Variants in ADCY7 observed in about 807,000 individuals in gnomAD.
The protein encoded by ADCY7 is adenylate cyclase type 7.
ADCY7 carries 72 observed loss-of-function variants against 120.6 expected under a neutral mutation model. That is an observed-to-expected ratio of 0.60 (90% CI 0.49 to 0.73). The LOEUF is 0.73. Ranked by LOEUF, ADCY7 falls within the 30% of genes least tolerant of loss-of-function variation. The pLI, the probability that ADCY7 is intolerant of heterozygous loss-of-function variation, is 0.00. For missense variants in ADCY7, 1,227 were observed against 1,486.0 expected (o/e 0.83, Z 2.87); for synonymous variants, 661 against 628.0 (o/e 1.05, Z -0.78).
chr16:50,254,135 A>G (rs2032842637), intron 1 of ADCY7, among the ~76,000 whole-genome samples: 1 of 152,200 alleles, frequency 6.6e-6, no homozygotes, highest in South Asian at 2.1e-4. Context: ...TGAGACATGG[A>G]GGAGATGGCA....
rs2036861541 is a variant in ADCY7, at chr16:50,317,571, G to C, written c.*2066G>C. ...AAATAACTGACTACCACTCACTCAT[G>C]CATTTTTATTTCCAATTAAAGCAAA... On this transcript the variant is annotated 3_prime_UTR_variant, in exon 26 of 26. Coordinates refer to ENST00000673801, the MANE Select transcript of ADCY7 (RefSeq NM_001114.5). The C allele has an allele frequency of 6.6e-6, 1 of 152,294 alleles. No individual in the cohort carries two copies. The highest frequency in any genetic ancestry group is 6.5e-5 in the Admixed American group (1 of 15,276). 9.4% of individuals were successfully genotyped at this position (152,294 alleles called of 1,614,324 possible).
intron 2 of ADCY7, among the ~76,000 whole-genome samples, 177 bp downstream of exon 2, chr16:50,288,527 G>T (rs574705769): frequency 3.3e-5 from 5 of 152,288 alleles, no homozygotes; most frequent in African/African-American, 1.2e-4. Flanking sequence ...ACCCAGGCTG[G>T]AGTACAGTGG....
chr16:50,255,402 G>GAAAAAAAAAAAAAAAAAAAAAAAAAAAA (rs60335173), intron 1 of ADCY7, among the ~76,000 whole-genome samples: 1 of 108,142 alleles, frequency 9.2e-6, no homozygotes, highest in African/African-American at 3.7e-5. Flanking sequence ...TCTGTTTCTG[G>GAAAAAAAAAAAAAAAAAAAAAAAAAAAA]AAAAAAAAAA....
At chr16:50,289,777 T>A in intron 2 of ADCY7, among the ~76,000 whole-genome samples, 1 of 152,250 alleles carries the variant, frequency 6.6e-6, no homozygotes, top group East Asian at 1.9e-4. Context: ...ATTTTCTTTT[T>A]AGTGAATGTA....
At chr16:50,308,976 T>C (rs1283622573) in intron 17 of ADCY7, 184 bp downstream of exon 17, 3 of 673,480 alleles carry the variant, frequency 4.5e-6, no homozygotes, top group Non-Finnish European at 6.8e-6. Context: ...AATGCGGACT[T>C]TGGGGGCCCA....
At position 50,314,860 on chromosome 16, in the gene ADCY7, C is replaced by T. The variant is rs374141267; in HGVS notation, c.2972-154C>T. On this transcript the variant is annotated intron_variant, in intron 24 of 25. Transcript: ENST00000673801. ...TGCCCTCCTCATACCCCAAGCCCGACTGCAACGCAGTGACTCTGGGAAGCA... is the reference window on the plus strand; with the variant it reads ...TGCCCTCCTCATACCCCAAGCCCGATTGCAACGCAGTGACTCTGGGAAGCA... The T allele has an allele frequency of 3.9e-6, 4 of 1,014,120 alleles. No homozygotes were observed. In the African/African-American group the frequency reaches 6.5e-5, roughly 16 times the overall value. The allele number at this position is 1,014,120 out of a possible 1,614,324, so 62.8% of individuals were successfully genotyped here. A position where few individuals can be genotyped will look rare whatever the true frequency, so the allele number is the denominator to read the frequency against.
At chr16:50,248,130 A>C (rs1373972928) in intron 1 of ADCY7, among the ~76,000 whole-genome samples, 2 of 152,202 alleles carry the variant, frequency 1.3e-5, no homozygotes, top group African/African-American at 2.4e-5. Context: ...GTTTGGGTCC[A>C]CATCAGCGAG....
chr16:50,294,796 G>C (rs770422373), intron 7 of ADCY7, 45 bp downstream of exon 7: 3 of 1,399,912 alleles, frequency 2.1e-6, no homozygotes, highest in Non-Finnish European at 3.0e-6. Flanking sequence ...CCCCTCCCCT[G>C]CCTATTACAC....
At chr16:50,269,951 G>A (rs1227767411) in intron 1 of ADCY7, among the ~76,000 whole-genome samples, 2 of 152,288 alleles carry the variant, frequency 1.3e-5, no homozygotes, top group South Asian at 2.1e-4. Context: ...CGCTTTGGGA[G>A]GCTGAAGTGG....
intron 10 of ADCY7, among the ~76,000 whole-genome samples, chr16:50,303,487 A>G (rs2035866391): frequency 6.6e-6 from 1 of 152,118 alleles, no homozygotes; most frequent in Middle Eastern, 3.2e-3. Flanking sequence ...GACTCAGCAG[A>G]CCTGGAGCCC....
intron 17 of ADCY7, 156 bp downstream of exon 17, chr16:50,308,948 C>T (rs528719163): frequency 1.1e-4 from 102 of 936,466 alleles, no homozygotes; most frequent in Admixed American, 4.5e-4. Flanking sequence ...CTCAGGGCTC[C>T]TCACCTTTGG....
chr16:50,306,004 C>T (rs1056939390), intron 14 of ADCY7, among the ~76,000 whole-genome samples, 155 bp downstream of exon 14: 4 of 152,186 alleles, frequency 2.6e-5, no homozygotes, highest in African/African-American at 9.6e-5. Flanking sequence ...GGGGCAGGGG[C>T]GGGGCCAGTG....
At chr16:50,261,825 C>T (rs1003810849), upstream of ADCY7, among the ~76,000 whole-genome samples, 4 of 152,194 alleles carry the variant, frequency 2.6e-5, no homozygotes, top group Non-Finnish European at 4.4e-5. Flanking sequence ...GCGAGGTTGG[C>T]GACAAGTGGC....
chr16:50,272,809 G>A lies in ADCY7; in HGVS notation c.-269+6129G>A, dbSNP rs193103462. On this transcript the variant is annotated intron_variant, in intron 1 of 25. Transcript: ENST00000673801. ...GCGCATCTGGCTCCTGGGCCCCCAG[G>A]CCTGTCTCCGGTACCCCCTCTGGCT... 2.4e-3 allele frequency among the ~76,000 whole-genome samples: 373 copies of A among 152,258 alleles called. 2 individuals are homozygous for A. The highest frequency in any genetic ancestry group is 0.024 in the Middle Eastern group (7 of 294).
chr16:50,315,677 C>T lies in ADCY7; in HGVS notation c.*172C>T. The T allele has an allele frequency of 2.5e-6, 2 of 807,016 alleles. No homozygotes were observed. Among genetic ancestry groups the T allele is most frequent in the Non-Finnish European group, 3.8e-6 (2 of 532,442 alleles). The allele number at this position is 807,016 out of a possible 1,614,324, so 50.0% of individuals were successfully genotyped here. A position where few individuals can be genotyped will look rare whatever the true frequency, so the allele number is the denominator to read the frequency against. ...CTCAGACACATGCACCAGATTCTGGCTCGAAGCAGCCACTGAGCCATAATG... is the reference window on the plus strand; with the variant it reads ...CTCAGACACATGCACCAGATTCTGGTTCGAAGCAGCCACTGAGCCATAATG... On this transcript the variant is annotated 3_prime_UTR_variant, in exon 26 of 26. Transcript: ENST00000673801.
intron 15 of ADCY7, 124 bp from the exon 16 acceptor site, chr16:50,308,203 C>T: frequency 6.4e-7 from 1 of 1,552,708 alleles, no homozygotes; most frequent in Non-Finnish European, 8.8e-7. Flanking sequence ...TCACAGGTCC[C>T]CTTTGCTGTG....
intron 7 of ADCY7, among the ~76,000 whole-genome samples, 188 bp downstream of exon 7, chr16:50,294,939 A>T (rs1596923991): frequency 6.6e-6 from 1 of 152,130 alleles, no homozygotes; most frequent in African/African-American, 2.4e-5. Context: ...GGCAGCCAGG[A>T]TCCTGTGCCC....
chr16:50,310,975 G>T (rs2036419968), intron 19 of ADCY7, 95 bp downstream of exon 19: 3 of 1,289,032 alleles, frequency 2.3e-6, no homozygotes, highest in Non-Finnish European at 3.2e-6. Flanking sequence ...TTCATGGGGA[G>T]TGGGCACCTT....
chr16:50,269,508 T>C (rs980409445), intron 1 of ADCY7, among the ~76,000 whole-genome samples: 9 of 152,210 alleles, frequency 5.9e-5, no homozygotes, highest in African/African-American at 1.9e-4. Context: ...GGACGAGGCC[T>C]TCTGCGTGGC....
Sources: gnomAD v4.1 joint callset for allele counts (sites outside exome capture counted in the v4.1 genomes callset) on GRCh38, gnomAD v4.1.1 for gene constraint, MANE v1.5 for transcripts, NCBI Gene and HGNC (gene_info 2026-07-23, HGNC 2026-07-21) for gene names.